Variants in ZNF48 observed in about 807,000 individuals in gnomAD.
ZNF48 encodes the protein zinc finger protein 48.
In ZNF48, 20 loss-of-function variants were observed where a neutral mutation model predicts 40.0. That is an observed-to-expected ratio of 0.50 (90% CI 0.35 to 0.73). The LOEUF (loss-of-function observed/expected upper bound fraction) is 0.73, where lower values mean the gene tolerates loss of function less well. ZNF48 is among the 30% of genes least tolerant of loss of function. ZNF48 has a pLI of 0.01. For missense variants in ZNF48, 726 were observed against 851.9 expected (o/e 0.85, Z 1.84); for synonymous variants, 298 against 329.7 (o/e 0.90, Z 1.04).
chr16:30,397,192 GCAC>G lies in ZNF48; in HGVS notation c.80-135_80-133del. On this transcript the variant is annotated intron_variant, in intron 2 of 2. Transcript: ENST00000613509. The surrounding 1 kb of genome is among the most constrained non-coding windows in gnomAD (Gnocchi z 4.1). Reference sequence around the variant, plus strand: ...TTATTGAGAGGCACAGATAGTAAGTGCACCAGAGGTTGAGAGGACAGAGAGATT... The same window carrying G: ...TTATTGAGAGGCACAGATAGTAAGTGCAGAGGTTGAGAGGACAGAGAGATT... 1.4e-6 allele frequency: 1 copy of G among 740,034 alleles called. No individual in the cohort carries two copies. 45.8% of individuals were successfully genotyped at this position (740,034 alleles called of 1,614,324 possible).
rs112652266 is a variant in ZNF48 at position 30,387,272 on chromosome 16, C to T, written c.-15-8508C>T. Among the ~76,000 whole-genome samples, 281 of 136,872 alleles carry T rather than the reference C, an allele frequency of 2.1e-3. 2 individuals are homozygous for T. The highest frequency in any genetic ancestry group is 6.5e-3 in the African/African-American group (243 of 37,642). The allele number at this position is 136,872 out of a possible 152,430, so 89.8% of individuals were successfully genotyped here. The stretch of plus-strand genomic sequence containing the variant: ...TTTTTTTTTTTTAAAGACAGTGTTT[C>T]GGCGGGGCGCCATGGCTCACTCCTG... On this transcript the variant is annotated intron_variant, in intron 1 of 2. Coordinates refer to the ZNF48 transcript ENST00000528032.
At chr16:30,379,447 C>A in intron 1 of ZNF48, 1 of 1,613,882 alleles carries the variant, frequency 6.2e-7, no homozygotes, top group Non-Finnish European at 8.5e-7. Context: ...TCCACGGTCC[C>A]CCAGGAGTAG....
chr16:30,397,214 A>C lies in ZNF48; in HGVS notation c.80-116A>C, dbSNP rs2049992802. ...AGTGCACCAGAGGTTGAGAGGACAG[A>C]GAGATTGGGGTTCCTGTGACCACAG... On this transcript the variant is annotated intron_variant, in intron 2 of 2. Transcript: ENST00000613509. The surrounding 1 kb of genome is among the most constrained non-coding windows in gnomAD (Gnocchi z 4.1). The C allele has an allele frequency of 2.3e-5, 21 of 913,738 alleles. No individual in the cohort carries two copies. The highest frequency in any genetic ancestry group is 3.5e-5 in the Non-Finnish European group (21 of 600,358). The allele number at this position is 913,738 out of a possible 1,614,324, so 56.6% of individuals were successfully genotyped here. A position where few individuals can be genotyped will look rare whatever the true frequency, so the allele number is the denominator to read the frequency against.
upstream of ZNF48, among the ~76,000 whole-genome samples, chr16:30,391,552 G>C (rs1161417180): frequency 6.6e-6 from 1 of 150,660 alleles, no homozygotes; most frequent in Non-Finnish European, 1.5e-5. Context: ...ACGGAATGCA[G>C]TGGTGTGATC....
At chr16:30,383,250 G>A (rs545762531) in intron 1 of ZNF48, among the ~76,000 whole-genome samples, 20 of 152,198 alleles carry the variant, frequency 1.3e-4, no homozygotes, top group African/African-American at 4.8e-4. Flanking sequence ...GTGTAGTGGC[G>A]CCATCTCGGC....
chr16:30,381,599 G>T lies in ZNF48; in HGVS notation c.-16+3189G>T, dbSNP rs960045898. On this transcript the variant is annotated intron_variant, in intron 1 of 2. Transcript: ENST00000528032. This position sits in a 1 kb window ranked among gnomAD's most constrained non-coding sequence, Gnocchi z 4.3. ...CCTCCAAAGACATTAAGGGGAACTGGTGGGGGCCTAGGTGAGTCATCAAGA... is the reference window on the plus strand; with the variant it reads ...CCTCCAAAGACATTAAGGGGAACTGTTGGGGGCCTAGGTGAGTCATCAAGA... 1.2e-5 allele frequency: 18 copies of T among 1,463,728 alleles called. No homozygotes were observed. In the African/African-American group the frequency reaches 2.1e-4, roughly 17 times the overall value. The allele number at this position is 1,463,728 out of a possible 1,614,324, so 90.7% of individuals were successfully genotyped here.
intron 1 of ZNF48, chr16:30,383,009 C>T (rs2049871268): frequency 3.4e-6 from 2 of 582,038 alleles, no homozygotes; most frequent in South Asian, 1.9e-5. Flanking sequence ...TGCCCCTCTA[C>T]CATCTCTACA....
In ZNF48 at chr16:30,398,514, G is replaced by A. The variant is rs2050014347; in HGVS notation, c.1264G>A (p.Glu422Lys). ...LTPRSPSHSGEPFGLPGLEPE... is the reference protein window; with the variant it reads ...LTPRSPSHSGKPFGLPGLEPE... The stretch of plus-strand genomic sequence containing the variant: ...ACCTCGAAGTCCCTCACACTCGGGT[G>A]AGCCTTTTGGCCTGCCTGGCTTGGA... The change falls in exon 3 of 3, where the codon GAG becomes AAG. Residue 422 changes from glutamate to lysine, a missense_variant. By Grantham distance (56) the Glu-to-Lys change is moderately conservative (BLOSUM62 1). This residue lies in a region of ZNF48 where 378 missense variants were observed against 449.1 expected (regional missense o/e 0.84). Transcript: ENST00000613509. This position sits in a 1 kb window ranked among gnomAD's most constrained non-coding sequence, Gnocchi z 6.6. 6.3e-7 allele frequency: 1 copy of A among 1,599,130 alleles called. No homozygotes were observed. The highest frequency in any genetic ancestry group is 8.5e-7 in the Non-Finnish European group (1 of 1,172,264).
Position 30,398,908 on chromosome 16 carries a change from C to A in ZNF48, c.1658C>A (p.Pro553His). 1 of 1,613,836 alleles carries A rather than the reference C, an allele frequency of 6.2e-7. No individual in the cohort carries two copies. Among genetic ancestry groups the A allele is most frequent in the Non-Finnish European group, 8.5e-7 (1 of 1,179,892 alleles). ...HVCGFCGKEF[P>H]RSSDLVKHRR... ...TGTGGCTTCTGTGGGAAGGAGTTCC[C>A]CCGGAGCTCAGATCTGGTCAAACAC... The change falls in exon 3 of 3, where the codon CCC becomes CAC. Residue 553 changes from proline to histidine, a missense_variant. By Grantham distance (77) the Pro-to-His change is moderately conservative (BLOSUM62 -2). Around this residue, in one of 5 missense-constraint regions of ZNF48, gnomAD observed 166 missense variants for 163.6 expected, o/e 1.01. Coordinates refer to ENST00000613509, the MANE Select transcript of ZNF48 (RefSeq NM_001214909.2). The surrounding 1 kb of genome is among the most constrained non-coding windows in gnomAD (Gnocchi z 6.6).
intron 1 of ZNF48, among the ~76,000 whole-genome samples, chr16:30,387,143 C>T (rs991432361): frequency 6.7e-5 from 10 of 149,026 alleles, no homozygotes; most frequent in Non-Finnish European, 1.5e-4. Context: ...CAGGGTTTCA[C>T]CGTGTTAGCC....
At chr16:30,383,646 C>T (rs1194953881) in intron 1 of ZNF48, among the ~76,000 whole-genome samples, 1 of 152,148 alleles carries the variant, frequency 6.6e-6, no homozygotes, top group Non-Finnish European at 1.5e-5. Flanking sequence ...CTTCAGAATC[C>T]TGGCCAAAGA....
At chr16:30,393,907 C>T (rs2049960011), upstream of ZNF48, among the ~76,000 whole-genome samples, 1 of 151,566 alleles carries the variant, frequency 6.6e-6, no homozygotes, top group Admixed American at 6.6e-5. Flanking sequence ...TTTGTAGAGA[C>T]AAGGTCCACT....
intron 1 of ZNF48, among the ~76,000 whole-genome samples, chr16:30,388,776 C>T (rs1459301241): frequency 6.6e-6 from 1 of 152,028 alleles, no homozygotes; most frequent in African/African-American, 2.4e-5. Context: ...CACCAGTAAT[C>T]TCAGCTACTC....
chr16:30,380,791 A>G, intron 1 of ZNF48: 1 of 311,790 alleles, frequency 3.2e-6, no homozygotes, highest in Non-Finnish European at 6.1e-6. Flanking sequence ...AGAGAGAAAG[A>G]GAGGCCGAGA....
rs964800514 is a variant in ZNF48 at position 30,382,790 on chromosome 16, A to T, written c.-16+4380A>T. Reference sequence around the variant, plus strand: ...TTCCAAGTCCCACTGTAGCTCCATCATCGTGGTGAGACATGGGGTATGTGC... The same window carrying T: ...TTCCAAGTCCCACTGTAGCTCCATCTTCGTGGTGAGACATGGGGTATGTGC... On this transcript the variant is annotated intron_variant, in intron 1 of 2. Coordinates refer to the ZNF48 transcript ENST00000528032. The surrounding 1 kb of genome is among the most constrained non-coding windows in gnomAD (Gnocchi z 4.8). The T allele has an allele frequency of 1.3e-6, 2 of 1,535,684 alleles. No homozygotes were observed. The highest frequency in any genetic ancestry group is 1.4e-5 in the African/African-American group (1 of 73,128).
At chr16:30,395,126 C>T (rs2049969054), upstream of ZNF48, 1 of 443,256 alleles carries the variant, frequency 2.3e-6, no homozygotes, top group African/African-American at 2.0e-5. The surrounding 1 kb of genome is among the most constrained non-coding windows in gnomAD (Gnocchi z 5.9). Flanking sequence ...TTTGTCTCTC[C>T]CAGGTCGGAG....
chr16:30,378,503 C>T (rs964876120), intron 1 of ZNF48: 1 of 1,580,518 alleles, frequency 6.3e-7, no homozygotes, highest in African/African-American at 1.4e-5. Flanking sequence ...TCTCCAGCAT[C>T]TCTTGCATGC....
chr16:30,390,875 C>T (rs573396744), upstream of ZNF48, among the ~76,000 whole-genome samples: 1 of 150,868 alleles, frequency 6.6e-6, no homozygotes. Context: ...CTGCCCACCT[C>T]AGCCTCCCAA....
At chr16:30,379,578 G>T in intron 1 of ZNF48, 1 of 1,369,482 alleles carries the variant, frequency 7.3e-7, no homozygotes. Flanking sequence ...TCACACGGCA[G>T]AAACTTTCTC....
Sources: gnomAD v4.1 joint callset for allele counts (sites outside exome capture counted in the v4.1 genomes callset) on GRCh38, gnomAD v4.1.1 for gene constraint, gnomAD v4.1.1 regional missense constraint, Gnocchi (gnomAD v3.1) non-coding constraint, MANE v1.5 for transcripts, NCBI Gene and HGNC (gene_info 2026-07-23, HGNC 2026-07-21) for gene names.